The following IRAG2 variants were observed in gnomAD, a reference collection of about 807,000 sequenced individuals.
IRAG2 encodes lymphoid restricted membrane protein.
A neutral mutation model predicts 69.9 loss-of-function variants in IRAG2; 45 were observed. That is an observed-to-expected ratio of 0.64 (90% confidence interval 0.51 to 0.83). IRAG2 has a LOEUF of 0.83. Ranked by LOEUF, IRAG2 falls within the 40% of genes least tolerant of loss-of-function variation. The probability of loss-of-function intolerance (pLI) is 0.00; values close to 1 mark genes in which losing one functional copy is unlikely to be tolerated. For synonymous variants in IRAG2, 193 were observed against 202.4 expected (o/e 0.95, Z 0.40); for missense variants, 520 against 587.0 (o/e 0.89, Z 1.18).
chr12:25,071,926 GGGCGCAGT>G (rs1168431130), intron 6 of IRAG2, among the ~76,000 whole-genome samples: 2 of 152,048 alleles, frequency 1.3e-5, no homozygotes, highest in African/African-American at 4.8e-5. Flanking sequence ...GAGCTGGGCT[GGGCGCAGT>G]GGCACACGCC....
At chr12:25,026,600 T>C (rs1428086147) in intron 8 of IRAG2, among the ~76,000 whole-genome samples, 1 of 152,030 alleles carries the variant, frequency 6.6e-6, no homozygotes, top group African/African-American at 2.4e-5. Context: ...GTTAAGGTAA[T>C]GGAGGGGCTG....
In IRAG2 at chr12:25,062,832, G is replaced by A. The variant is rs1207701551; in HGVS notation, c.-372G>A. The stretch of plus-strand genomic sequence containing the variant: ...TTTCTCTTGACAGAGCTTTTTAGAT[G>A]AGGAATTTCCTCACTATGATTCCCT... On this transcript the variant is annotated 5_prime_UTR_variant, in exon 3 of 22. The change abolishes an upstream ATG in the 5' untranslated region. Coordinates refer to ENST00000556887, the MANE Select transcript of IRAG2 (RefSeq NM_001366544.2). 1 of 398,836 alleles carries A rather than the reference G, an allele frequency of 2.5e-6. No individual in the cohort carries two copies. Among genetic ancestry groups the A allele is most frequent in the Non-Finnish European group, 4.4e-6 (1 of 226,028 alleles). The allele number at this position is 398,836 out of a possible 1,614,324, so 24.7% of individuals were successfully genotyped here. A position where few individuals can be genotyped will look rare whatever the true frequency, so the allele number is the denominator to read the frequency against.
At chr12:25,011,245 C>T (rs970277125) in intron 2 of IRAG2, 12 of 817,212 alleles carry the variant, frequency 1.5e-5, no homozygotes, top group South Asian at 6.5e-5. Context: ...ATGCCAGCTC[C>T]GCAGGACTGC....
intron 14 of IRAG2, among the ~76,000 whole-genome samples, chr12:25,095,234 G>GGCAA (rs1242708267): frequency 6.6e-6 from 1 of 152,036 alleles, no homozygotes; most frequent in Non-Finnish European, 1.5e-5. Flanking sequence ...ATTAGGTTAA[G>GGCAA]GTAATTTTCT....
intron 13 of IRAG2, chr12:25,035,349 C>T (rs1455544973): frequency 5.1e-6 from 1 of 194,694 alleles, no homozygotes; most frequent in Non-Finnish European, 1.0e-5. Flanking sequence ...CAATTTTTTC[C>T]CCCTGGGTAT....
At chr12:24,997,923 A>G in the IRAG2 span, among the ~76,000 whole-genome samples, 34 of 152,378 alleles carry the variant, frequency 2.2e-4, no homozygotes, top group African/African-American at 7.9e-4. Context: ...CTGTCACCAC[A>G]GGCAAATCTC....
intron 16 of IRAG2, among the ~76,000 whole-genome samples, chr12:25,042,769 T>G (rs1333140468): frequency 6.6e-6 from 1 of 152,078 alleles, no homozygotes; most frequent in South Asian, 2.1e-4. Context: ...CTGGCCCCCA[T>G]CTAGTATTTT....
Position 25,083,505 on chromosome 12 carries a change from C to A in IRAG2, c.315+12C>A. ...CCATATTAAATCTGGTAAGGAAATACGTATGTTCACAACAAAGGTGGTGGT... is the reference window on the plus strand; with the variant it reads ...CCATATTAAATCTGGTAAGGAAATAAGTATGTTCACAACAAAGGTGGTGGT... On this transcript the variant is annotated intron_variant, in intron 10 of 21. Transcript: ENST00000556887. The A allele has an allele frequency of 2.0e-6, 3 of 1,531,056 alleles. No individual in the cohort carries two copies. The highest frequency in any genetic ancestry group is 9.0e-7 in the Non-Finnish European group (1 of 1,105,294). The allele number at this position is 1,531,056 out of a possible 1,614,324, so 94.8% of individuals were successfully genotyped here. A position where few individuals can be genotyped will look rare whatever the true frequency, so the allele number is the denominator to read the frequency against.
At position 25,104,059 on chromosome 12, in the gene IRAG2, G is replaced by C. The variant is rs763950096; in HGVS notation, c.1046+1G>C. On this transcript the variant is annotated splice_donor_variant, in intron 19 of 21. Transcript: ENST00000556887. LOFTEE classifies it high-confidence loss of function. ...GATTCAGTAGAAGGTCAAGCAGTTG[G>C]TAAGTGTAATTTTATGGTTCCTCTT... is the stretch of plus-strand genomic sequence containing the variant. 1 of 1,613,030 alleles carries C rather than the reference G, an allele frequency of 6.2e-7. No individual in the cohort carries two copies. Among genetic ancestry groups the C allele is most frequent in the Non-Finnish European group, 8.5e-7 (1 of 1,179,542 alleles).
At chr12:24,998,689 A>T in the IRAG2 span, among the ~76,000 whole-genome samples, 1 of 147,362 alleles carries the variant, frequency 6.8e-6, no homozygotes, top group African/African-American at 2.6e-5. Flanking sequence ...CACATACTTA[A>T]ATTTTTTTTT....
Position 25,088,131 on chromosome 12 carries a change from A to G in IRAG2, c.347A>G (p.Glu116Gly). ...EAKEEPETIE[E>G]HKKEHASGDS... is the part of the protein sequence containing the mutation. ...AAAGAGGAACCAGAAACAATAGAAG[A>G]ACATAAAAAAGAACATGCTTCAGGA... Residue 116 changes from glutamate to glycine, a missense_variant, in exon 11 of 22, where the codon GAA (glutamate) becomes GGA (glycine). Physicochemically the swap from Glu to Gly is moderately conservative, Grantham distance 98. Transcript: ENST00000556887. The G allele has an allele frequency of 6.2e-7, 1 of 1,613,532 alleles. No individual in the cohort carries two copies. The highest frequency in any genetic ancestry group is 8.5e-7 in the Non-Finnish European group (1 of 1,179,454).
At chr12:25,032,649 C>G (rs986177744) in intron 12 of IRAG2, among the ~76,000 whole-genome samples, 2 of 152,128 alleles carry the variant, frequency 1.3e-5, no homozygotes, top group Admixed American at 1.3e-4. Flanking sequence ...GATCAGGATG[C>G]CAGCAGGGTT....
chr12:25,060,668 CTTTTTTTTTTT>C (rs753591747), intron 1 of IRAG2, among the ~76,000 whole-genome samples: 9 of 99,288 alleles, frequency 9.1e-5, no homozygotes, highest in Non-Finnish European at 1.7e-4. Context: ...AATGTATTTT[CTTTTTTTTTTT>C]TTTTTTTTTT....
intron 15 of IRAG2, among the ~76,000 whole-genome samples, chr12:25,100,598 G>T (rs1428702898): frequency 1.3e-5 from 2 of 152,184 alleles, no homozygotes; most frequent in Non-Finnish European, 2.9e-5. Flanking sequence ...TTGGAGGCTG[G>T]AAGGAGGAAT....
chr12:25,020,299 G>T (rs921121199), intron 6 of IRAG2, among the ~76,000 whole-genome samples: 2 of 152,112 alleles, frequency 1.3e-5, no homozygotes, highest in African/African-American at 4.8e-5. Context: ...TATAGAATAT[G>T]TCATATAGAG....
intron 3 of IRAG2, among the ~76,000 whole-genome samples, chr12:25,013,744 C>T (rs985649452): frequency 4.0e-5 from 6 of 150,704 alleles, no homozygotes; most frequent in African/African-American, 4.9e-5. Context: ...GGTCATAGAT[C>T]TATTCATGTA....
intron 1 of IRAG2, chr12:25,005,237 A>C (rs548360449): frequency 8.3e-7 from 1 of 1,208,592 alleles, no homozygotes; most frequent in East Asian, 3.2e-5. Flanking sequence ...TTTTCTTCTA[A>C]TAGGATGGAA....
chr12:25,035,993 C>G (rs1944699513), intron 14 of IRAG2, among the ~76,000 whole-genome samples: 1 of 152,258 alleles, frequency 6.6e-6, no homozygotes, highest in East Asian at 1.9e-4. Context: ...ACAGATTGAC[C>G]ATTAGATACG....
Position 25,004,914 on chromosome 12 carries a change from T to C in IRAG2, c.573T>C (p.Asp191=), listed in dbSNP as rs566534793. 141 of 1,228,406 alleles carry C rather than the reference T, an allele frequency of 1.1e-4. 1 individual carries two copies. The African/African-American group carries it at 2.0e-3, about 18-fold the overall frequency. The allele number at this position is 1,228,406 out of a possible 1,614,324, so 76.1% of individuals were successfully genotyped here. The change falls in exon 1 of 39, where the codon GAT becomes GAC. Residue 191 remains aspartate (D), a splice_region_variant and synonymous_variant. Coordinates refer to the IRAG2 transcript ENST00000636465. The stretch of plus-strand genomic sequence containing the variant: ...TAAAAAAATTATCTCTGAATGAAGA[T>C]GGTAAATATTCATCTTTTAATGTTT...
Sources: allele counts gnomAD v4.1 joint callset (sites outside exome capture counted in the v4.1 genomes callset), GRCh38; gene constraint gnomAD v4.1.1; transcripts MANE v1.5; gene names NCBI Gene and HGNC (gene_info 2026-07-23, HGNC 2026-07-21).